CCDC195: variants seen among roughly 807,000 people sequenced by gnomAD.
CCDC195 encodes the protein coiled-coil domain containing 195, also known as coiled-coil domain-containing protein 195.
intron 1 of CCDC195, among the ~76,000 whole-genome samples, chr2:224,710,760 A>G (rs1689311176): frequency 1.3e-5 from 2 of 152,244 alleles, no homozygotes. Flanking sequence ...ATAAAATTCC[A>G]GAGTTCACCT....
chr2:224,714,113 T>G, intron 1 of CCDC195, among the ~76,000 whole-genome samples: 1 of 152,200 alleles, frequency 6.6e-6, no homozygotes, highest in East Asian at 1.9e-4. Flanking sequence ...GCGCTGGGAT[T>G]ACAGGCATGA....
At chr2:224,703,764 C>T (rs2124845049) in exon 3 of CCDC195, 5 of 398,540 alleles carry the variant, frequency 1.3e-5, no homozygotes, top group Non-Finnish European at 2.2e-5. Flanking sequence ...TTCACATATC[C>T]TATTCTGCAA....
At chr2:224,711,764 T>A (rs546741662) in intron 1 of CCDC195, among the ~76,000 whole-genome samples, 9 of 152,266 alleles carry the variant, frequency 5.9e-5, no homozygotes, top group African/African-American at 2.2e-4. Flanking sequence ...AGACAGAAAA[T>A]CATTATGGTT....
chr2:224,709,863 T>C (rs1208746053), intron 2 of CCDC195, 110 bp downstream of exon 2: 3 of 397,542 alleles, frequency 7.5e-6, no homozygotes, highest in Non-Finnish European at 1.3e-5. Flanking sequence ...ATTTATATGC[T>C]ATTTGGTTTT....
At chr2:224,706,125 T>G (rs1457782959) in intron 2 of CCDC195, among the ~76,000 whole-genome samples, 1 of 150,426 alleles carries the variant, frequency 6.6e-6, no homozygotes, top group South Asian at 2.1e-4. Flanking sequence ...ATTCAGGTAG[T>G]GGGATTATGA....
chr2:224,714,572 TA>T (rs754197312), intron 1 of CCDC195, among the ~76,000 whole-genome samples: 2 of 152,182 alleles, frequency 1.3e-5, no homozygotes, highest in Non-Finnish European at 2.9e-5. Flanking sequence ...GGGAAGCTGC[TA>T]AACACCCTAC....
chr2:224,706,189 CTTT>C (rs201012911), intron 2 of CCDC195, among the ~76,000 whole-genome samples: 3 of 33,338 alleles, frequency 9.0e-5, no homozygotes, highest in Admixed American at 5.9e-4. Flanking sequence ...TATTTTGTAA[CTTT>C]TTTTTTTTTT....
At position 224,707,896 on chromosome 2, in the gene CCDC195, C is replaced by T. The variant is rs149828606; in HGVS notation, c.482+2077G>A. On this transcript the variant is annotated intron_variant, in intron 2 of 2. Transcript: ENST00000638102. The stretch of plus-strand genomic sequence containing the variant: ...TTTATTGGTAACTTTCTTTCTTTCT[C>T]TCCTTCCTTCCTTCCTTTTCTTTCT... Among the ~76,000 whole-genome samples the T allele has an allele frequency of 4.8e-3, 730 of 150,576 alleles. 7 individuals carry two copies. The highest frequency in any genetic ancestry group is 0.017 in the African/African-American group (692 of 40,964).
chr2:224,711,016 G>A (rs943800396), intron 1 of CCDC195, among the ~76,000 whole-genome samples: 13 of 152,302 alleles, frequency 8.5e-5, no homozygotes, highest in African/African-American at 2.9e-4. Flanking sequence ...TCCCAGACAT[G>A]CCAATTCTTG....
chr2:224,705,252 G>A (rs1697228304), intron 2 of CCDC195, among the ~76,000 whole-genome samples: 1 of 152,114 alleles, frequency 6.6e-6, no homozygotes, highest in East Asian at 1.9e-4. Flanking sequence ...TAATGAATCT[G>A]GTTTACCCTA....
At chr2:224,706,920 CT>C (rs970813702) in intron 2 of CCDC195, among the ~76,000 whole-genome samples, 30 of 147,182 alleles carry the variant, frequency 2.0e-4, no homozygotes, top group Admixed American at 4.8e-4. Flanking sequence ...CACACGCGCA[CT>C]TTTTTTTTTA....
At chr2:224,711,358 CCT>C (rs1689318041) in intron 1 of CCDC195, among the ~76,000 whole-genome samples, 1 of 126,348 alleles carries the variant, frequency 7.9e-6, no homozygotes, top group Admixed American at 7.8e-5. Context: ...TCAAATCTTC[CCT>C]GTTTTTTTTT....
chr2:224,710,507 G>A (rs375285306), intron 1 of CCDC195, among the ~76,000 whole-genome samples: 49 of 152,172 alleles, frequency 3.2e-4, no homozygotes, highest in Non-Finnish European at 3.4e-4. Context: ...GCGTGGTGGC[G>A]GGCACCTGTA....
chr2:224,704,610 C>CTTTTTTTTTTT (rs55801561), intron 2 of CCDC195, among the ~76,000 whole-genome samples: 22 of 110,644 alleles, frequency 2.0e-4, no homozygotes, highest in Non-Finnish European at 3.1e-4. Context: ...CTTTTCTTTT[C>CTTTTTTTTTTT]TTTTTTTTTT....
chr2:224,713,980 C>CCTTTTCTTTT (rs373266230), intron 1 of CCDC195, among the ~76,000 whole-genome samples: 2 of 151,658 alleles, frequency 1.3e-5, no homozygotes, highest in African/African-American at 4.8e-5. Context: ...CCTGGCTAAT[C>CCTTTTCTTTT]CTTTTCTTTT....
intron 1 of CCDC195, among the ~76,000 whole-genome samples, chr2:224,714,224 G>A (rs569379879): frequency 6.6e-6 from 1 of 152,184 alleles, no homozygotes; most frequent in African/African-American, 2.4e-5. Context: ...TCAATTATGC[G>A]TTTAACTCTT....
chr2:224,715,462 C>T (rs947419508), intron 1 of CCDC195, among the ~76,000 whole-genome samples: 3 of 152,150 alleles, frequency 2.0e-5, no homozygotes. Context: ...GCATAGCAGG[C>T]TGAATTATGT....
At position 224,713,261 on chromosome 2, in the gene CCDC195, T is replaced by C. The variant is rs181580343; in HGVS notation, c.235+2870A>G. On this transcript the variant is annotated intron_variant, in intron 1 of 2. Coordinates refer to ENST00000638102, the Ensembl canonical transcript of CCDC195. The stretch of plus-strand genomic sequence containing the variant: ...TGGCAATTACTATTAAAACTACTGA[T>C]AAAAACTTATGCTCAAGTCAAATAA... 1.1e-3 allele frequency among the ~76,000 whole-genome samples: 172 copies of C among 152,310 alleles called. 1 individual carries two copies. The highest frequency in any genetic ancestry group is 2.1e-3 in the Non-Finnish European group (144 of 68,012).
chr2:224,706,189 CTTTTTTTTTTT>C (rs201012911), intron 2 of CCDC195, among the ~76,000 whole-genome samples: 30 of 33,354 alleles, frequency 9.0e-4, no homozygotes, highest in East Asian at 2.1e-3. Context: ...TATTTTGTAA[CTTTTTTTTTTT>C]TTTTTTTTTT....
Sources: gnomAD v4.1 joint callset for allele counts (sites outside exome capture counted in the v4.1 genomes callset) on GRCh38, gnomAD v4.1.1 for gene constraint, MANE v1.5 for transcripts, NCBI Gene and HGNC (gene_info 2026-07-23, HGNC 2026-07-21) for gene names.